The following CACNA2D1 variants were observed in gnomAD, a reference collection of about 807,000 sequenced individuals.
CACNA2D1 encodes the protein voltage-dependent calcium channel subunit alpha-2/delta-1.
In CACNA2D1, 53 loss-of-function variants were observed where a neutral mutation model predicts 171.5. The ratio of observed to expected loss-of-function variants is 0.31; its 90% CI spans 0.25 to 0.39. The LOEUF (loss-of-function observed/expected upper bound fraction) is 0.39. Among genes scored for constraint, CACNA2D1 ranks in the 10% least tolerant of loss-of-function variants. The pLI, the probability that CACNA2D1 is intolerant of heterozygous loss-of-function variation, is 1.00. For missense variants in CACNA2D1, 903 were observed against 1,299.8 expected (o/e 0.69, Z 4.69); for synonymous variants, 442 against 443.1 (o/e 1.00, Z 0.03).
chr7:82,014,254 C>T, intron 13 of CACNA2D1, 147 bp downstream of exon 13: 1 of 607,960 alleles, frequency 1.6e-6, no homozygotes, highest in Non-Finnish European at 2.9e-6. Flanking sequence ...TATGTGTTTT[C>T]TCTATAAAAA....
chr7:81,964,165 G>A, intron 33 of CACNA2D1, 42 bp downstream of exon 33: 1 of 1,610,554 alleles, frequency 6.2e-7, no homozygotes. Flanking sequence ...GAGGACACTT[G>A]AGTACCCCTT....
At position 82,029,676 on chromosome 7, in the gene CACNA2D1, T is replaced by G. The variant is rs1046657266; in HGVS notation, c.1143+3121A>C. Reference sequence around the variant, plus strand: ...AGCTATATACATGGTTCCTTGTTCCTGGAGGGGATATCCATTTGAAACAGA... The same window carrying G: ...AGCTATATACATGGTTCCTTGTTCCGGGAGGGGATATCCATTTGAAACAGA... On this transcript the variant is annotated intron_variant, in intron 12 of 38. Transcript: ENST00000356860. 2.0e-5 allele frequency: 3 copies of G among 151,908 alleles called. No individual in the cohort carries two copies. In the East Asian group the frequency reaches 5.8e-4, roughly 29 times the overall value. 9.4% of individuals were successfully genotyped at this position (151,908 alleles called of 1,614,324 possible).
At chr7:82,214,332 G>C (rs986945605) in intron 3 of CACNA2D1, among the ~76,000 whole-genome samples, 1 of 152,092 alleles carries the variant, frequency 6.6e-6, no homozygotes, top group South Asian at 2.1e-4. Flanking sequence ...TTCTATGTAT[G>C]ATACAATTCA....
At chr7:82,329,402 T>C (rs749144331) in intron 3 of CACNA2D1, among the ~76,000 whole-genome samples, 1 of 152,134 alleles carries the variant, frequency 6.6e-6, no homozygotes, top group Non-Finnish European at 1.5e-5. Context: ...AAAATTTGTT[T>C]ATTATAACCT....
At chr7:82,128,314 C>G (rs977115893) in intron 5 of CACNA2D1, among the ~76,000 whole-genome samples, 1 of 152,132 alleles carries the variant, frequency 6.6e-6, no homozygotes, top group African/African-American at 2.4e-5. Flanking sequence ...CGTAAGGAGA[C>G]ATTAATTCTA....
At chr7:82,261,398 T>A (rs745681924) in intron 3 of CACNA2D1, among the ~76,000 whole-genome samples, 1 of 152,212 alleles carries the variant, frequency 6.6e-6, no homozygotes, top group Non-Finnish European at 1.5e-5. Flanking sequence ...CCCATCCTAC[T>A]CTTTTTTGCT....
At chr7:82,199,512 T>A (rs1016354508) in intron 3 of CACNA2D1, among the ~76,000 whole-genome samples, 5 of 152,126 alleles carry the variant, frequency 3.3e-5, no homozygotes, top group Admixed American at 6.6e-5. Flanking sequence ...GAACTTTATA[T>A]GAGTTATTTC....
intron 10 of CACNA2D1, among the ~76,000 whole-genome samples, chr7:82,043,380 A>C (rs1488614938): frequency 1.3e-5 from 2 of 152,208 alleles, no homozygotes; most frequent in Admixed American, 6.5e-5. Flanking sequence ...TAGGATACTC[A>C]GTACTAAAAT....
At chr7:82,133,909 A>G (rs1791300477) in intron 5 of CACNA2D1, among the ~76,000 whole-genome samples, 1 of 151,838 alleles carries the variant, frequency 6.6e-6, no homozygotes, top group Admixed American at 6.6e-5. Context: ...CTTCTCTACT[A>G]AAAAATACAA....
At chr7:82,068,922 T>C (rs146483285) in intron 7 of CACNA2D1, among the ~76,000 whole-genome samples, 1,595 of 152,262 alleles carry the variant, frequency 0.01, 27 homozygotes, top group African/African-American at 0.036. Context: ...GTTAAAAGGC[T>C]ATAATTTACA....
chr7:82,014,330 A>G (rs1800160641), intron 13 of CACNA2D1, 71 bp downstream of exon 13: 2 of 806,816 alleles, frequency 2.5e-6, no homozygotes, highest in Non-Finnish European at 4.3e-6. Context: ...CTTATTTTAA[A>G]TAAGTACACC....
intron 6 of CACNA2D1, among the ~76,000 whole-genome samples, chr7:82,087,503 A>G (rs1435421476): frequency 6.6e-6 from 1 of 152,018 alleles, no homozygotes; most frequent in African/African-American, 2.4e-5. Flanking sequence ...AAAACTAGAA[A>G]GTAGGATAAA....
At chr7:82,442,605 A>T (rs1830588287) in intron 1 of CACNA2D1, among the ~76,000 whole-genome samples, 1 of 152,228 alleles carries the variant, frequency 6.6e-6, no homozygotes, top group Non-Finnish European at 1.5e-5. Context: ...GAGGTTTTTA[A>T]AAGTTATTTT....
chr7:81,959,968 A>G, intron 36 of CACNA2D1, 139 bp from the exon 37 acceptor site: 1 of 1,330,694 alleles, frequency 7.5e-7, no homozygotes, highest in South Asian at 1.4e-5. Context: ...CAATAGGAGT[A>G]TGATTTTAGA....
intron 1 of CACNA2D1, among the ~76,000 whole-genome samples, chr7:82,430,651 A>G (rs1829598692): frequency 6.6e-6 from 1 of 152,168 alleles, no homozygotes; most frequent in Admixed American, 6.5e-5. Context: ...TTGCAAAGTG[A>G]AGGGCTGGAG....
intron 3 of CACNA2D1, among the ~76,000 whole-genome samples, chr7:82,179,614 C>A (rs1401752263): frequency 4.6e-5 from 7 of 152,090 alleles, no homozygotes; most frequent in African/African-American, 1.4e-4. Context: ...GTGACCGCTC[C>A]TTTACATATC....
intron 4 of CACNA2D1, among the ~76,000 whole-genome samples, chr7:82,145,386 A>G (rs978255795): frequency 6.9e-6 from 1 of 144,662 alleles, no homozygotes; most frequent in African/African-American, 2.5e-5. Flanking sequence ...TATATATTAT[A>G]TATGTATTAT....
chr7:82,093,213 C>T (rs978549533), intron 6 of CACNA2D1, among the ~76,000 whole-genome samples: 1 of 152,100 alleles, frequency 6.6e-6, no homozygotes, highest in African/African-American at 2.4e-5. Context: ...CCTCAGTTTC[C>T]TCACTCGTAC....
intron 15 of CACNA2D1, 170 bp downstream of exon 15, chr7:82,011,984 G>C: frequency 4.7e-6 from 3 of 633,140 alleles, no homozygotes; most frequent in Non-Finnish European, 8.5e-6. Context: ...CTACATACGA[G>C]TCTATGTTTT....
Sources: allele counts gnomAD v4.1 joint callset (sites outside exome capture counted in the v4.1 genomes callset), GRCh38; gene constraint gnomAD v4.1.1; transcripts MANE v1.5; gene names NCBI Gene and HGNC (gene_info 2026-07-23, HGNC 2026-07-21).